The following ERLIN2 variants were observed in gnomAD, a reference collection of about 807,000 sequenced individuals.
ERLIN2 encodes the protein erlin-2.
Under a neutral mutation model 41.5 loss-of-function variants are expected in ERLIN2, and 22 were observed. The observed-to-expected ratio is 0.53, with a 90% CI of 0.38 to 0.76. ERLIN2 has a LOEUF of 0.76. Ranked by LOEUF, ERLIN2 falls within the 30% of genes least tolerant of loss-of-function variation. ERLIN2 has a pLI of 0.00. For synonymous variants in ERLIN2, 149 were observed against 150.9 expected (o/e 0.99, Z 0.09); for missense variants, 247 against 414.3 (o/e 0.60, Z 3.51).
At chr8:37,738,166 T>C in intron 2 of ERLIN2, 137 bp downstream of exon 2, 1 of 904,716 alleles carries the variant, frequency 1.1e-6, no homozygotes, top group East Asian at 2.5e-5. Flanking sequence ...GATGGAGCTT[T>C]TTATGTCAGT....
rs767231549 is a variant in ERLIN2, at chr8:37,744,568, C to T, written c.299-3C>T. ...TATGCCAAGCCCTCTCCTTCCCTCTCAGTGTATGATATAGTGAAGAACTAT... is the reference window on the plus strand; with the variant it reads ...TATGCCAAGCCCTCTCCTTCCCTCTTAGTGTATGATATAGTGAAGAACTAT... On this transcript the variant is annotated splice_region_variant and splice_polypyrimidine_tract_variant and intron_variant, in intron 5 of 11. Transcript: ENST00000519638. 1.4e-5 allele frequency: 22 copies of T among 1,614,050 alleles called. No individual in the cohort carries two copies. The South Asian group carries it at 2.3e-4, about 17-fold the overall frequency.
intron 6 of ERLIN2, 129 bp downstream of exon 6, chr8:37,744,825 C>T: frequency 3.9e-6 from 4 of 1,036,244 alleles, no homozygotes; most frequent in Non-Finnish European, 3.0e-6. Context: ...GTTAAAGAAT[C>T]TTGTGCTCAG....
At chr8:37,745,544 A>G in intron 6 of ERLIN2, 1 of 1,612,426 alleles carries the variant, frequency 6.2e-7, no homozygotes, top group Non-Finnish European at 8.5e-7. Context: ...TTTTTAACCA[A>G]TAGTATAACT....
At chr8:37,747,775 A>G in intron 6 of ERLIN2, 4 of 1,612,322 alleles carry the variant, frequency 2.5e-6, no homozygotes, top group East Asian at 2.2e-5. Flanking sequence ...CCGCAGATAC[A>G]TAGTCTCTTC....
chr8:37,747,766 C>T lies in ERLIN2; in HGVS notation c.425-1793C>T, dbSNP rs1803103873. 3.1e-6 allele frequency: 5 copies of T among 1,610,284 alleles called. No individual in the cohort carries two copies. The East Asian group carries it at 6.7e-5, about 22-fold the overall frequency. ...CTGTAGTTCAATGCCTTCAGGTCTC[C>T]GCAGATACATAGTCTCTTCGTCTTC... On this transcript the variant is annotated intron_variant, in intron 6 of 11. Coordinates refer to ENST00000519638, the MANE Select transcript of ERLIN2 (RefSeq NM_007175.8).
chr8:37,757,805 A>G lies in ERLIN2; in HGVS notation c.*3690A>G, dbSNP rs773801922. On this transcript the variant is annotated 3_prime_UTR_variant, in exon 12 of 12. Coordinates refer to ENST00000519638, the MANE Select transcript of ERLIN2 (RefSeq NM_007175.8). ...AAATCTATCCCCATTATCGATACAG[A>G]ATTTGTGAACGTGGCATAATTCTTG... The G allele has an allele frequency of 6.6e-6, 1 of 152,234 alleles. No homozygotes were observed. Among genetic ancestry groups the G allele is most frequent in the Non-Finnish European group, 1.5e-5 (1 of 68,022 alleles). 9.4% of individuals were successfully genotyped at this position (152,234 alleles called of 1,614,324 possible). A position where few individuals can be genotyped will look rare whatever the true frequency, so the allele number is the denominator to read the frequency against.
At chr8:37,740,571 T>C (rs1802815538) in intron 3 of ERLIN2, 125 bp downstream of exon 3, 2 of 420,426 alleles carry the variant, frequency 4.8e-6, no homozygotes, top group Middle Eastern at 4.5e-4. Context: ...ATAAGGATAA[T>C]ATATACATAT....
At chr8:37,739,109 T>G (rs988540354) in intron 2 of ERLIN2, among the ~76,000 whole-genome samples, 2 of 152,140 alleles carry the variant, frequency 1.3e-5, no homozygotes, top group African/African-American at 4.8e-5. Context: ...GACCAAGTGT[T>G]TTGCTTTATG....
At chr8:37,749,659 CCT>C (rs745332149) in intron 7 of ERLIN2, 27 bp downstream of exon 7, 9 of 1,580,126 alleles carry the variant, frequency 5.7e-6, no homozygotes, top group Admixed American at 1.7e-5. Context: ...GGGAGCAGCC[CCT>C]CTCTCTCTGA....
intron 1 of ERLIN2, chr8:37,737,045 A>G (rs536805446): frequency 1.3e-5 from 12 of 949,028 alleles, no homozygotes; most frequent in Non-Finnish European, 1.5e-5. Flanking sequence ...CGCCCCGGTT[A>G]CGTTAGACCT....
At chr8:37,737,108 C>T in intron 1 of ERLIN2, 1 of 445,248 alleles carries the variant, frequency 2.2e-6, no homozygotes, top group Non-Finnish European at 3.0e-6. Context: ...CACAGCTGAA[C>T]TTTGCAGTCA....
chr8:37,750,582 C>T, intron 9 of ERLIN2, 96 bp downstream of exon 9: 3 of 986,148 alleles, frequency 3.0e-6, no homozygotes, highest in Admixed American at 1.7e-5. Context: ...ACCCCATGGT[C>T]CTCCAAACCA....
Position 37,751,664 on chromosome 8 carries a change from G to A in ERLIN2, c.688G>A (p.Gly230Arg), listed in dbSNP as rs752925074. ...KVAQVAEITYGQKVMEKETEK... is the reference protein window; with the variant it reads ...KVAQVAEITYRQKVMEKETEK... ...GGCCCAGGTGGCTGAGATCACCTAC[G>A]GGCAGAAGGTGATGGAGAAGGAGAC... Residue 230 changes from glycine to arginine, a missense_variant, in exon 10 of 12, where the codon GGG becomes AGG. Gly to Arg is a moderately radical substitution (Grantham distance 125). Around this residue, in one of 3 missense-constraint regions of ERLIN2, gnomAD observed 153 missense variants for 256.4 expected, o/e 0.60. Coordinates refer to ENST00000519638, the MANE Select transcript of ERLIN2 (RefSeq NM_007175.8). 9.9e-6 allele frequency: 16 copies of A among 1,613,796 alleles called. No individual in the cohort carries two copies. In the East Asian group the frequency reaches 1.1e-4, roughly 11 times the overall value.
Position 37,750,448 on chromosome 8 carries a change from A to G in ERLIN2, c.611A>G (p.Glu204Gly). ...LIAAQKQKVV[E>G]KEAETERKKA... ...GCCGCCCAGAAACAGAAGGTGGTGGAAAAGGAAGCAGAGACAGAGCGGAAG... is the reference window on the plus strand; with the variant it reads ...GCCGCCCAGAAACAGAAGGTGGTGGGAAAGGAAGCAGAGACAGAGCGGAAG... Residue 204 changes from glutamate (E) to glycine (G), a missense_variant, in exon 9 of 12, where the codon GAA becomes GGA. Coordinates refer to ENST00000519638, the MANE Select transcript of ERLIN2 (RefSeq NM_007175.8). The G allele has an allele frequency of 6.2e-7, 1 of 1,613,472 alleles. No homozygotes were observed. Among genetic ancestry groups the G allele is most frequent in the Non-Finnish European group, 8.5e-7 (1 of 1,179,688 alleles).
intron 10 of ERLIN2, among the ~76,000 whole-genome samples, chr8:37,752,972 G>T (rs1448251192): frequency 6.6e-6 from 1 of 152,150 alleles, no homozygotes; most frequent in Non-Finnish European, 1.5e-5. Flanking sequence ...TCAGTTTTAG[G>T]GTGGATCGAC....
At chr8:37,743,600 C>T (rs1313575115) in intron 4 of ERLIN2, among the ~76,000 whole-genome samples, 3 of 152,156 alleles carry the variant, frequency 2.0e-5, no homozygotes. Flanking sequence ...GCGAGGCATA[C>T]ACAGGTCAGT....
At chr8:37,753,857 C>G in intron 11 of ERLIN2, 58 bp from the exon 12 acceptor site, 2 of 1,462,010 alleles carry the variant, frequency 1.4e-6, no homozygotes, top group South Asian at 1.1e-5. Flanking sequence ...GGCACCACTC[C>G]CCTCCTTCTC....
rs961554663 is a variant in ERLIN2, at chr8:37,738,944, G to A, written c.107+915G>A. 6.6e-5 allele frequency among the ~76,000 whole-genome samples: 10 copies of A among 152,138 alleles called. No homozygotes were observed. The East Asian group carries it at 1.7e-3, about 26-fold the overall frequency. Reference sequence around the variant, plus strand: ...TGAAAGAGCCTGCAGGTTGACTTACGTCAATCAAAGCAAGCCTTAGGATAG... The same window carrying A: ...TGAAAGAGCCTGCAGGTTGACTTACATCAATCAAAGCAAGCCTTAGGATAG... On this transcript the variant is annotated intron_variant, in intron 2 of 11. Coordinates refer to ENST00000519638, the MANE Select transcript of ERLIN2 (RefSeq NM_007175.8).
At chr8:37,750,528 G>T (rs777883782) in intron 9 of ERLIN2, 42 bp downstream of exon 9, 4 of 1,541,034 alleles carry the variant, frequency 2.6e-6, no homozygotes, top group East Asian at 2.2e-5. Flanking sequence ...AGGCAGAAAG[G>T]CTGGGGGTGG....
Sources: gnomAD v4.1 joint callset for allele counts (sites outside exome capture counted in the v4.1 genomes callset) on GRCh38, gnomAD v4.1.1 for gene constraint, gnomAD v4.1.1 regional missense constraint, MANE v1.5 for transcripts, NCBI Gene and HGNC (gene_info 2026-07-23, HGNC 2026-07-21) for gene names.